Variants in SETMAR observed in about 807,000 individuals in gnomAD.
The protein encoded by SETMAR is SET and mariner transposase domain methyltransferase, also known as histone-lysine N-methyltransferase SETMAR.
A neutral mutation model predicts 58.4 loss-of-function variants in SETMAR; 44 were observed. The observed-to-expected ratio is 0.75, with a 90% CI of 0.59 to 0.97. The LOEUF is 0.97. Ranked by LOEUF, SETMAR falls within the 50% of genes least tolerant of loss-of-function variation. The pLI is 0.00. For synonymous variants in SETMAR, 332 were observed against 307.4 expected, an observed-to-expected ratio of 1.08 and a Z score of -0.84; for missense variants, 903 against 840.2, an observed-to-expected ratio of 1.07 and a Z score of -0.92.
chr3:4,313,292 TACAA>T lies in SETMAR; in HGVS notation c.557_560del (p.Thr186AsnfsTer8). ...TCTGAAGTTCAGAGAAGAATTCACTTACAAACAAAATCCGACTCCAATTACATTA... is the reference window on the plus strand; with the variant it reads ...TCTGAAGTTCAGAGAAGAATTCACTTACAAAATCCGACTCCAATTACATTA... On this transcript the variant is annotated frameshift_variant, in exon 2 of 3. Coordinates refer to ENST00000358065, the MANE Select transcript of SETMAR (RefSeq NM_006515.4). LOFTEE classifies it high-confidence loss of function. The T allele has an allele frequency of 6.2e-7, 1 of 1,613,918 alleles. No homozygotes were observed. The highest frequency in any genetic ancestry group is 8.5e-7 in the Non-Finnish European group (1 of 1,179,916).
Position 4,316,484 on chromosome 3 carries a change from A to T in SETMAR, c.1293A>T (p.Glu431Asp). The T allele has an allele frequency of 6.2e-7, 1 of 1,602,924 alleles. No homozygotes were observed. The highest frequency in any genetic ancestry group is 8.5e-7 in the Non-Finnish European group (1 of 1,174,574). ...IEADPLTTTR[E>D]VAEELNVNHS... ...CTGATCCCCTTACAACTACACGAGA[A>T]GTTGCTGAAGAACTCAATGTCAACC... Residue 431 changes from glutamate (E) to aspartate (D), a missense_variant, in exon 3 of 3, where the codon GAA (glutamate) becomes GAT (aspartate). By Grantham distance (45) the Glu-to-Asp change is conservative. Coordinates refer to ENST00000358065, the MANE Select transcript of SETMAR (RefSeq NM_006515.4).
In SETMAR at chr3:4,316,585, C is replaced by A; in HGVS notation, c.1394C>A (p.Thr465Asn). The A allele has an allele frequency of 6.4e-7, 1 of 1,551,760 alleles. No homozygotes were observed. The highest frequency in any genetic ancestry group is 8.7e-7 in the Non-Finnish European group (1 of 1,147,014). ...GATAAGTGGGTGCCTCATGAGCTGA[C>A]TGAAAATCAAAAAAATCGTCGTTTT... ...KLDKWVPHEL[T>N]ENQKNRRFEV... The change falls in exon 3 of 3, where the codon ACT becomes AAT. Residue 465 changes from threonine (T) to asparagine (N), a missense_variant. Thr to Asn is a moderately conservative substitution (Grantham distance 65). Coordinates refer to ENST00000358065, the MANE Select transcript of SETMAR (RefSeq NM_006515.4).
chr3:4,315,424 A>T (rs1259064285), intron 2 of SETMAR, among the ~76,000 whole-genome samples: 2 of 152,188 alleles, frequency 1.3e-5, no homozygotes. Flanking sequence ...ACAATCTTCC[A>T]TTCAGAGACA....
At chr3:4,305,793 G>GA (rs1698167624) in intron 1 of SETMAR, among the ~76,000 whole-genome samples, 1 of 152,092 alleles carries the variant, frequency 6.6e-6, no homozygotes. Flanking sequence ...GGCAAGATAA[G>GA]AAAAAATCAG....
At chr3:4,312,860 C>T in intron 1 of SETMAR, 38 bp from the exon 2 acceptor site, 4 of 1,552,082 alleles carry the variant, frequency 2.6e-6, no homozygotes, top group Non-Finnish European at 3.5e-6. Context: ...AAATATATGA[C>T]ATGCCGTGCT....
At chr3:4,309,448 C>G (rs1559215095) in intron 1 of SETMAR, among the ~76,000 whole-genome samples, 1 of 152,162 alleles carries the variant, frequency 6.6e-6, no homozygotes, top group Non-Finnish European at 1.5e-5. Flanking sequence ...CCATTCTCAG[C>G]TTCTACCCAG....
intron 1 of SETMAR, among the ~76,000 whole-genome samples, chr3:4,306,174 A>C (rs913506533): frequency 6.6e-6 from 1 of 152,174 alleles, no homozygotes; most frequent in Non-Finnish European, 1.5e-5. Flanking sequence ...CTATTCTATA[A>C]ATCTGTTTCC....
Position 4,317,142 on chromosome 3 carries a change from G to C in SETMAR, c.1951G>C (p.Glu651Gln). The change falls in exon 3 of 3, where the codon GAG (glutamate) becomes CAG (glutamine). Residue 651 changes from glutamate (E) to glutamine (Q), a missense_variant. Transcript: ENST00000358065. Reference protein sequence around the residue: ...NQQDAENAFQEFVESQSTDFY... With the variant: ...NQQDAENAFQQFVESQSTDFY... Reference sequence around the variant, plus strand: ...GCAGGATGCAGAAAATGCTTTCCAAGAGTTCGTCGAATCCCAAAGCACGGA... The same window carrying C: ...GCAGGATGCAGAAAATGCTTTCCAACAGTTCGTCGAATCCCAAAGCACGGA... 1 of 1,547,642 alleles carries C rather than the reference G, an allele frequency of 6.5e-7. No individual in the cohort carries two copies. Among genetic ancestry groups the C allele is most frequent in the Non-Finnish European group, 8.7e-7 (1 of 1,144,808 alleles).
At chr3:4,314,914 T>C (rs1171543258) in intron 2 of SETMAR, among the ~76,000 whole-genome samples, 5 of 152,238 alleles carry the variant, frequency 3.3e-5, no homozygotes, top group Admixed American at 2.0e-4. Flanking sequence ...TTCAACATTA[T>C]AGGAATCCAT....
intron 1 of SETMAR, among the ~76,000 whole-genome samples, chr3:4,304,290 G>GCCCC (rs1559211653): frequency 4.0e-5 from 6 of 151,446 alleles, no homozygotes; most frequent in African/African-American, 1.5e-4. Flanking sequence ...TACAGGCATG[G>GCCCC]GCCACCACGC....
rs1417960266 is a variant in SETMAR, at chr3:4,316,313, T to G, written c.1122T>G (p.Asn374Lys). The change falls in exon 3 of 3, where the codon AAT becomes AAG. Residue 374 changes from asparagine to lysine, a missense_variant. Asn to Lys is a moderately conservative substitution (Grantham distance 94). Transcript: ENST00000358065. ...KAAETTRNIN[N>K]AFGPGTANER... Reference sequence around the variant, plus strand: ...CAGAAACAACTCGCAACATCAACAATGCATTTGGCCCAGGAACTGCTAACG... The same window carrying G: ...CAGAAACAACTCGCAACATCAACAAGGCATTTGGCCCAGGAACTGCTAACG... 2 of 1,164,184 alleles carry G rather than the reference T, an allele frequency of 1.7e-6. No individual in the cohort carries two copies. Among genetic ancestry groups the G allele is most frequent in the Non-Finnish European group, 2.5e-6 (2 of 806,090 alleles). 72.1% of individuals were successfully genotyped at this position (1,164,184 alleles called of 1,614,324 possible). A position where few individuals can be genotyped will look rare whatever the true frequency, so the allele number is the denominator to read the frequency against.
chr3:4,312,752 C>T (rs1353021890), intron 1 of SETMAR, 146 bp from the exon 2 acceptor site: 1 of 799,062 alleles, frequency 1.3e-6, no homozygotes, highest in Non-Finnish European at 1.8e-6. Context: ...TGTTTTTGGA[C>T]AATATCTTAG....
chr3:4,316,704 C>T lies in SETMAR; in HGVS notation c.1513C>T (p.Arg505Trp), dbSNP rs1002756943. The change falls in exon 3 of 3, where the codon CGG (arginine) becomes TGG (tryptophan). Residue 505 changes from arginine (R) to tryptophan (W), a missense_variant. Arg to Trp is a moderately radical substitution (Grantham distance 101). Coordinates refer to ENST00000358065, the MANE Select transcript of SETMAR (RefSeq NM_006515.4). Reference protein sequence around the residue: ...CDEKWILYDNRRRSAQWLDQE... With the variant: ...CDEKWILYDNWRRSAQWLDQE... ...TGAAAAGTGGATTTTATATGACAAC[C>T]GGCGACGATCAGCTCAGTGGTTGGA... The T allele has an allele frequency of 1.4e-5, 22 of 1,550,820 alleles. No homozygotes were observed. Among genetic ancestry groups the T allele is most frequent in the Admixed American group, 7.9e-5 (4 of 50,942 alleles).
intron 2 of SETMAR, 146 bp downstream of exon 2, chr3:4,313,907 T>C: frequency 7.2e-7 from 1 of 1,384,536 alleles, no homozygotes; most frequent in Non-Finnish European, 9.6e-7. Context: ...TTCCCCTTTC[T>C]GTAATAGAAT....
At position 4,313,217 on chromosome 3, in the gene SETMAR, T is replaced by A. The variant is rs1160059965; in HGVS notation, c.476T>A (p.Ile159Lys). The A allele has an allele frequency of 1.9e-6, 3 of 1,613,858 alleles. No homozygotes were observed. Residue 159 changes from isoleucine (I) to lysine (K), a missense_variant, in exon 2 of 3, where the codon ATA becomes AAA. Physicochemically the swap from Ile to Lys is moderately radical, Grantham distance 102 (BLOSUM62 -3). Transcript: ENST00000358065. ...KGWGLRTLEFIPKGRFVCEYA... is the reference protein window; with the variant it reads ...KGWGLRTLEFKPKGRFVCEYA... ...TGGGGACTTCGTACCTTGGAATTTATACCGAAAGGAAGGTTTGTCTGTGAA... is the reference window on the plus strand; with the variant it reads ...TGGGGACTTCGTACCTTGGAATTTAAACCGAAAGGAAGGTTTGTCTGTGAA...
In SETMAR at chr3:4,313,657, T is replaced by G; in HGVS notation, c.916T>G (p.Cys306Gly). 6.2e-7 allele frequency: 1 copy of G among 1,614,074 alleles called. No homozygotes were observed. The highest frequency in any genetic ancestry group is 8.5e-7 in the Non-Finnish European group (1 of 1,179,978). ...CCTGCCTTTTGACAGTTCTCTGTACTGCCCCGTAGAAAAGTCGAACATCAG... is the reference window on the plus strand; with the variant it reads ...CCTGCCTTTTGACAGTTCTCTGTACGGCCCCGTAGAAAAGTCGAACATCAG... ...AFLPFDSSLY[C>G]PVEKSNISCG... The change falls in exon 2 of 3, where the codon TGC (cysteine) becomes GGC (glycine). Residue 306 changes from cysteine to glycine, a missense_variant. By Grantham distance (159) the Cys-to-Gly change is radical. Coordinates refer to ENST00000358065, the MANE Select transcript of SETMAR (RefSeq NM_006515.4).
chr3:4,309,094 G>A (rs1698304978), intron 1 of SETMAR, among the ~76,000 whole-genome samples: 3 of 152,194 alleles, frequency 2.0e-5, no homozygotes, highest in Admixed American at 1.3e-4. Context: ...TGAAGGAATT[G>A]TTATTGTCTA....
At chr3:4,314,080 A>G (rs1421160218) in intron 2 of SETMAR, 6 of 449,266 alleles carry the variant, frequency 1.3e-5, no homozygotes, top group Non-Finnish European at 2.4e-5. Flanking sequence ...GCTGGAATGT[A>G]TACATGATGA....
Position 4,313,203 on chromosome 3 carries a change from T to C in SETMAR, c.462T>C (p.Arg154=). 2.5e-6 allele frequency: 4 copies of C among 1,613,990 alleles called. No homozygotes were observed. The highest frequency in any genetic ancestry group is 3.4e-6 in the Non-Finnish European group (4 of 1,179,978). Residue 154 remains arginine, a synonymous_variant, in exon 2 of 3, where the codon CGT becomes CGC. Coordinates refer to ENST00000358065, the MANE Select transcript of SETMAR (RefSeq NM_006515.4). ...FKTHKKGWGL[R]TLEFIPKGRF... is the part of the protein sequence containing the mutation. The stretch of plus-strand genomic sequence containing the variant: ...CGCATAAAAAAGGCTGGGGACTTCG[T>C]ACCTTGGAATTTATACCGAAAGGAA...
Sources: allele counts gnomAD v4.1 joint callset (sites outside exome capture counted in the v4.1 genomes callset), GRCh38; gene constraint gnomAD v4.1.1; transcripts MANE v1.5; gene names NCBI Gene and HGNC (gene_info 2026-07-23, HGNC 2026-07-21).